The following KIAA1217 variants were observed in gnomAD, a reference collection of about 807,000 sequenced individuals.
KIAA1217 encodes KIAA1217.
KIAA1217 carries 88 observed loss-of-function variants against 163.9 expected under a neutral mutation model. The ratio of observed to expected loss-of-function variants is 0.54; its 90% confidence interval spans 0.45 to 0.64. The LOEUF is 0.64. KIAA1217 is among the 30% of genes least tolerant of loss of function. KIAA1217 has a pLI of 0.00. For synonymous variants in KIAA1217, 903 were observed against 923.1 expected (o/e 0.98, Z 0.39); for missense variants, 2,372 against 2,475.0 (o/e 0.96, Z 0.88).
intron 2 of KIAA1217, among the ~76,000 whole-genome samples, chr10:24,314,904 G>A (rs368907996): frequency 1.2e-4 from 18 of 152,034 alleles, no homozygotes; most frequent in African/African-American, 4.1e-4. Context: ...AGATAGCGCC[G>A]CTGCACTCCA....
chr10:23,902,778 A>C (rs1203714231), intron 1 of KIAA1217, among the ~76,000 whole-genome samples: 1 of 152,122 alleles, frequency 6.6e-6, no homozygotes, highest in Admixed American at 6.6e-5. Context: ...TGGAGTCAAT[A>C]TGGTGGCTGA....
intron 2 of KIAA1217, among the ~76,000 whole-genome samples, chr10:24,284,994 AGCTTTTTTTCATAT>A (rs1353358588): frequency 6.6e-6 from 1 of 152,160 alleles, no homozygotes; most frequent in Non-Finnish European, 1.5e-5. Context: ...AATGATGATT[AGCTTTTTTTCATAT>A]GCTTGTTGGC....
chr10:24,206,096 C>T (rs2067540827), upstream of KIAA1217, among the ~76,000 whole-genome samples: 1 of 152,158 alleles, frequency 6.6e-6, no homozygotes, highest in South Asian at 2.1e-4. Context: ...TATGGAACCA[C>T]TAACCAAGAA....
At chr10:24,191,557 A>C (rs2066720469) in intron 2 of KIAA1217, among the ~76,000 whole-genome samples, 1 of 151,834 alleles carries the variant, frequency 6.6e-6, no homozygotes, top group South Asian at 2.1e-4. Context: ...CCACAAATAT[A>C]TATATATATA....
At chr10:24,114,627 C>G (rs889369632) in intron 2 of KIAA1217, among the ~76,000 whole-genome samples, 2 of 152,324 alleles carry the variant, frequency 1.3e-5, no homozygotes, top group East Asian at 3.9e-4. Flanking sequence ...TGAACAGACA[C>G]GAGAAATTAA....
At chr10:23,925,644 A>G (rs922471755) in intron 1 of KIAA1217, among the ~76,000 whole-genome samples, 1 of 152,180 alleles carries the variant, frequency 6.6e-6, no homozygotes, top group African/African-American at 2.4e-5. Flanking sequence ...GCCTTTAATC[A>G]TCCTTCAGGA....
intron 2 of KIAA1217, among the ~76,000 whole-genome samples, chr10:24,017,040 G>GTTTTTTTTTTT (rs35042335): frequency 4.6e-5 from 6 of 130,222 alleles, no homozygotes; most frequent in East Asian, 2.5e-4. Flanking sequence ...TAGTTTTTTT[G>GTTTTTTTTTTT]TTTTTTTTTT....
At chr10:24,014,027 T>C (rs1847365249) in intron 2 of KIAA1217, among the ~76,000 whole-genome samples, 1 of 152,162 alleles carries the variant, frequency 6.6e-6, no homozygotes, top group Non-Finnish European at 1.5e-5. Flanking sequence ...CAATGTCATT[T>C]GTTATACTTT....
intron 1 of KIAA1217, among the ~76,000 whole-genome samples, chr10:23,876,554 A>G (rs889437289): frequency 1.3e-5 from 2 of 152,004 alleles, no homozygotes; most frequent in Non-Finnish European, 2.9e-5. Context: ...CGTAGTGGAT[A>G]TAAAGCATGA....
At position 24,171,428 on chromosome 10, in the gene KIAA1217, C is replaced by T. The variant is rs11013929; in HGVS notation, c.-170-48198C>T. Among the ~76,000 whole-genome samples the T allele has an allele frequency of 3.1e-3, 465 of 152,218 alleles. 1 individual carries two copies. The highest frequency in any genetic ancestry group is 0.011 in the African/African-American group (437 of 41,518). On this transcript the variant is annotated intron_variant, in intron 2 of 18. Coordinates refer to the KIAA1217 transcript ENST00000376462. ...ATCCTAATGAAAAACATTGGAAGCA[C>T]GTAAAATTTTAAAAATTGAAAATGT...
chr10:23,997,784 C>A (rs182813371), intron 1 of KIAA1217, among the ~76,000 whole-genome samples: 1 of 152,128 alleles, frequency 6.6e-6, no homozygotes, highest in African/African-American at 2.4e-5. Flanking sequence ...TTTCAGAGAA[C>A]CTATCTCTGG....
intron 2 of KIAA1217, among the ~76,000 whole-genome samples, chr10:24,186,167 C>A (rs1020020539): frequency 7.2e-5 from 11 of 152,110 alleles, no homozygotes; most frequent in African/African-American, 2.7e-4. Context: ...TGGGTTCAGT[C>A]CTAAAAGCAG....
rs77887123 is a variant in KIAA1217, at chr10:24,103,504, A to G, written c.-171+96130A>G. Among the ~76,000 whole-genome samples, 374 of 152,324 alleles carry G rather than the reference A, an allele frequency of 2.5e-3. 6 individuals carry two copies. Among genetic ancestry groups the G allele is most frequent in the Admixed American group, 0.02 (301 of 15,298 alleles). On this transcript the variant is annotated intron_variant, in intron 2 of 18. Transcript: ENST00000376462. The stretch of plus-strand genomic sequence containing the variant: ...AATATATTTGGAAAAGACACATCTG[A>G]AAAAGGACTATTATATAAATTATGC...
At chr10:24,188,983 G>A (rs1442355858) in intron 2 of KIAA1217, among the ~76,000 whole-genome samples, 2 of 151,832 alleles carry the variant, frequency 1.3e-5, no homozygotes, top group South Asian at 2.1e-4. Flanking sequence ...GCAGGTGCCT[G>A]TAGTCCCAGC....
intron 1 of KIAA1217, among the ~76,000 whole-genome samples, chr10:23,757,111 T>C (rs1248038694): frequency 6.7e-6 from 1 of 150,050 alleles, no homozygotes; most frequent in Non-Finnish European, 1.5e-5. Context: ...TTTTGTTTAT[T>C]TATTCATCTG....
At chr10:24,402,053 C>G (rs926431314) in intron 3 of KIAA1217, among the ~76,000 whole-genome samples, 1 of 152,094 alleles carries the variant, frequency 6.6e-6, no homozygotes, top group Non-Finnish European at 1.5e-5. Flanking sequence ...AGTCAAAGAC[C>G]TAATAACTGA....
At chr10:24,236,210 A>G (rs763602272) in intron 2 of KIAA1217, among the ~76,000 whole-genome samples, 11 of 152,226 alleles carry the variant, frequency 7.2e-5, no homozygotes, top group Middle Eastern at 6.8e-3. Context: ...TCTACCTGAC[A>G]ACTTCCAATT....
Position 23,999,840 on chromosome 10 carries a change from G to A in KIAA1217, c.-320-7385G>A, listed in dbSNP as rs373814233. Among the ~76,000 whole-genome samples, 16 of 152,122 alleles carry A rather than the reference G, an allele frequency of 1.1e-4. No individual in the cohort carries two copies. In the East Asian group the frequency reaches 1.4e-3, roughly 13 times the overall value. The stretch of plus-strand genomic sequence containing the variant: ...TTTGGGAGGCCAAGGCGAGAGGATC[G>A]CTTGAGCCCAGGAATTTGAGACCAG... On this transcript the variant is annotated intron_variant, in intron 1 of 18. Coordinates refer to the KIAA1217 transcript ENST00000376462.
chr10:23,954,822 A>G (rs1350816367), intron 1 of KIAA1217, among the ~76,000 whole-genome samples: 1 of 152,152 alleles, frequency 6.6e-6, no homozygotes, highest in South Asian at 2.1e-4. Flanking sequence ...TAACTGGCCC[A>G]TGGTCTCAAG....
Sources: gnomAD v4.1 joint callset for allele counts (sites outside exome capture counted in the v4.1 genomes callset) on GRCh38, gnomAD v4.1.1 for gene constraint, MANE v1.5 for transcripts, NCBI Gene and HGNC (gene_info 2026-07-23, HGNC 2026-07-21) for gene names.